ROBO1: variants seen among roughly 807,000 people sequenced by gnomAD.
ROBO1 encodes roundabout homolog 1.
Under a neutral mutation model 195.9 loss-of-function variants are expected in ROBO1, and 149 were observed. That is an observed-to-expected ratio of 0.76 (90% CI 0.67 to 0.87). ROBO1 has a LOEUF of 0.87. ROBO1 is among the 40% of genes least tolerant of loss of function. The pLI is 0.00. For missense variants in ROBO1, 1,933 were observed against 2,068.3 expected, an observed-to-expected ratio of 0.93 and a Z score of 1.27; for synonymous variants, 816 against 733.2, an observed-to-expected ratio of 1.11 and a Z score of -1.82.
At chr3:78,732,083 T>C (rs1222876794) in intron 5 of ROBO1, among the ~76,000 whole-genome samples, 1 of 152,114 alleles carries the variant, frequency 6.6e-6, no homozygotes, top group Non-Finnish European at 1.5e-5. Context: ...TCTGAGAGTA[T>C]CAAAACTTGC....
intron 2 of ROBO1, among the ~76,000 whole-genome samples, chr3:79,307,489 T>A (rs1422084146): frequency 2.6e-5 from 4 of 152,168 alleles, no homozygotes; most frequent in African/African-American, 4.8e-5. Flanking sequence ...ACTGCACATT[T>A]CAGGATTTTA....
intron 4 of ROBO1, among the ~76,000 whole-genome samples, chr3:78,853,242 G>A (rs992034050): frequency 6.6e-6 from 1 of 151,644 alleles, no homozygotes; most frequent in Non-Finnish European, 1.5e-5. Context: ...ATGGGAGGGA[G>A]GAAGAAAGGA....
chr3:79,539,263 G>T (rs1941981676), intron 2 of ROBO1, among the ~76,000 whole-genome samples: 1 of 151,970 alleles, frequency 6.6e-6, no homozygotes, highest in Non-Finnish European at 1.5e-5. Context: ...ATTTGTTATG[G>T]GATACTCCTT....
At chr3:79,197,696 A>G (rs2081665375) in intron 2 of ROBO1, among the ~76,000 whole-genome samples, 1 of 152,194 alleles carries the variant, frequency 6.6e-6, no homozygotes, top group African/African-American at 2.4e-5. Flanking sequence ...CCTCTCCAGC[A>G]TCTGTTGTTT....
chr3:79,052,089 G>T (rs2078711119), intron 3 of ROBO1, among the ~76,000 whole-genome samples: 1 of 152,108 alleles, frequency 6.6e-6, no homozygotes, highest in South Asian at 2.1e-4. Context: ...TGCTTGTGGG[G>T]CCGGGCAGAA....
chr3:79,277,790 T>TAAA lies in ROBO1; in HGVS notation c.89-152254_89-152252dup, dbSNP rs141168797. Among the ~76,000 whole-genome samples, 348 of 149,366 alleles carry TAAA rather than the reference T, an allele frequency of 2.3e-3. 1 individual carries two copies. The highest frequency in any genetic ancestry group is 7.4e-3 in the African/African-American group (301 of 40,834). ...CAGAAATAAAAAATAACATTAAAAATAAAAAAAAACACACACTTGGAAGTC... is the reference window on the plus strand; with the variant it reads ...CAGAAATAAAAAATAACATTAAAAATAAAAAAAAAAAACACACACTTGGAAGTC... On this transcript the variant is annotated intron_variant, in intron 2 of 30. Transcript: ENST00000464233.
chr3:78,925,942 C>A (rs931982209), intron 4 of ROBO1, among the ~76,000 whole-genome samples: 69 of 152,114 alleles, frequency 4.5e-4, no homozygotes, highest in African/African-American at 1.7e-3. Flanking sequence ...GCCATCTCAG[C>A]TCACTGCAAC....
intron 1 of ROBO1, among the ~76,000 whole-genome samples, chr3:79,643,930 G>A (rs1227719881): frequency 6.6e-6 from 1 of 151,968 alleles, no homozygotes; most frequent in Non-Finnish European, 1.5e-5. Context: ...GAAACAACAC[G>A]CAAGTTTACA....
chr3:78,817,265 T>C (rs180769897), intron 4 of ROBO1, among the ~76,000 whole-genome samples: 128 of 152,324 alleles, frequency 8.4e-4, no homozygotes, highest in African/African-American at 3.0e-3. Context: ...CAAGACTGTC[T>C]ACCAGCAAAA....
intron 2 of ROBO1, among the ~76,000 whole-genome samples, chr3:79,190,510 C>G (rs1375544421): frequency 6.6e-6 from 1 of 151,550 alleles, no homozygotes; most frequent in Non-Finnish European, 1.5e-5. Context: ...GTAGATTACT[C>G]TTACTCGTTT....
chr3:78,866,601 C>T (rs868097502), intron 4 of ROBO1, among the ~76,000 whole-genome samples: 1 of 152,106 alleles, frequency 6.6e-6, no homozygotes. Context: ...TGTAATAATG[C>T]ATTGTTGTAG....
chr3:79,069,466 C>A (rs2079053008), intron 3 of ROBO1, among the ~76,000 whole-genome samples: 1 of 151,884 alleles, frequency 6.6e-6, no homozygotes, highest in Non-Finnish European at 1.5e-5. Flanking sequence ...TGGTCTTCAA[C>A]TGCTCTGTAC....
At chr3:79,525,539 GATATAT>G (rs367662211) in intron 2 of ROBO1, among the ~76,000 whole-genome samples, 1 of 140,914 alleles carries the variant, frequency 7.1e-6, no homozygotes, top group Admixed American at 7.2e-5. Flanking sequence ...TTATACTTCA[GATATAT>G]ATATATATAT....
At chr3:79,498,591 C>T (rs150208815) in intron 2 of ROBO1, among the ~76,000 whole-genome samples, 3 of 152,124 alleles carry the variant, frequency 2.0e-5, no homozygotes, top group African/African-American at 4.8e-5. Flanking sequence ...CGGTGGCTCA[C>T]GCCTGTAATC....
intron 3 of ROBO1, among the ~76,000 whole-genome samples, chr3:79,061,764 T>G (rs548384395): frequency 6.6e-6 from 1 of 152,286 alleles, no homozygotes; most frequent in African/African-American, 2.4e-5. Context: ...GATTCCCTAT[T>G]TAATAAATGG....
At chr3:79,598,402 A>G (rs1944244388) in intron 1 of ROBO1, among the ~76,000 whole-genome samples, 4 of 152,064 alleles carry the variant, frequency 2.6e-5, no homozygotes, top group African/African-American at 7.2e-5. Flanking sequence ...CTATACTCCT[A>G]GACTTCCAAA....
chr3:78,699,910 A>T (rs1399982505), intron 8 of ROBO1, among the ~76,000 whole-genome samples: 6 of 152,134 alleles, frequency 3.9e-5, no homozygotes, highest in Admixed American at 3.9e-4. Flanking sequence ...TACTTTTTCA[A>T]GAAATTATCT....
At chr3:78,973,024 A>C (rs779056409) in intron 3 of ROBO1, among the ~76,000 whole-genome samples, 5 of 152,166 alleles carry the variant, frequency 3.3e-5, no homozygotes, top group Non-Finnish European at 7.3e-5. Flanking sequence ...ACCAGAGCAC[A>C]CTGATGGCAC....
rs779118569 is a variant in ROBO1, at chr3:78,828,819, C to G, written c.500-81919G>C. Among the ~76,000 whole-genome samples the G allele has an allele frequency of 3.2e-4, 49 of 152,070 alleles. 1 individual carries two copies. The highest frequency in any genetic ancestry group is 1.9e-4 in the East Asian group (1 of 5,188). ...TTCTTTCCATGATTATAGGTGGCTC[C>G]CCATTTGGGAAAGCTCCTGACCTAA... On this transcript the variant is annotated intron_variant, in intron 4 of 30. Transcript: ENST00000464233.
Sources: gnomAD v4.1 joint callset for allele counts (sites outside exome capture counted in the v4.1 genomes callset) on GRCh38, gnomAD v4.1.1 for gene constraint, MANE v1.5 for transcripts, NCBI Gene and HGNC (gene_info 2026-07-23, HGNC 2026-07-21) for gene names.